Variants in LRRC49 observed in about 807,000 individuals in gnomAD.
LRRC49 encodes leucine rich repeat containing 49.
LRRC49 carries 50 observed loss-of-function variants against 83.3 expected under a neutral mutation model. That is an observed-to-expected ratio of 0.60 (90% confidence interval 0.48 to 0.76). LRRC49 has a LOEUF of 0.76. Among genes scored for constraint, LRRC49 ranks in the 30% least tolerant of loss-of-function variants. The pLI, the probability that LRRC49 is intolerant of heterozygous loss-of-function variation, is 0.00. For missense variants in LRRC49, 704 were observed against 809.1 expected (o/e 0.87, Z 1.58); for synonymous variants, 286 against 283.3 (o/e 1.01, Z -0.10).
At chr15:71,026,936 C>G (rs1468495042) in intron 14 of LRRC49, among the ~76,000 whole-genome samples, 1 of 152,080 alleles carries the variant, frequency 6.6e-6, no homozygotes, top group Non-Finnish European at 1.5e-5. Flanking sequence ...TGCAGAAGCT[C>G]TATAGTTTGA....
At chr15:71,034,776 A>G (rs1437371675) in intron 14 of LRRC49, among the ~76,000 whole-genome samples, 2 of 152,212 alleles carry the variant, frequency 1.3e-5, no homozygotes, top group Non-Finnish European at 2.9e-5. Context: ...CATTAGCCTC[A>G]GCGGACTAAC....
chr15:70,873,265 T>C (rs1362910743), intron 2 of LRRC49: 1 of 1,524,604 alleles, frequency 6.6e-7, no homozygotes, highest in East Asian at 2.4e-5. Context: ...GTATAACAAT[T>C]ATACTCTGCT....
chr15:70,994,331 T>C (rs1294519862), intron 11 of LRRC49, among the ~76,000 whole-genome samples: 1 of 152,230 alleles, frequency 6.6e-6, no homozygotes, highest in East Asian at 1.9e-4. Flanking sequence ...TTCACTTATC[T>C]GTTTTAATGC....
chr15:70,976,800 T>C lies in LRRC49; in HGVS notation c.922-3301T>C, dbSNP rs547181349. Among the ~76,000 whole-genome samples the C allele has an allele frequency of 3.3e-5, 5 of 152,330 alleles. No individual in the cohort carries two copies. The East Asian group carries it at 9.6e-4, about 29-fold the overall frequency. ...AAGAAGATACCAGAATTTTAGTTTT[T>C]CTTTCTTACCAACAGATTTATAACT... On this transcript the variant is annotated intron_variant, in intron 9 of 15. Transcript: ENST00000260382.
chr15:70,895,904 A>T lies in LRRC49; in HGVS notation c.161A>T (p.His54Leu). The change falls in exon 3 of 16, where the codon CAT becomes CTT. Residue 54 changes from histidine to leucine, a missense_variant. This residue lies in a region of LRRC49 where 261 missense variants were observed against 330.5 expected (regional missense o/e 0.79). Transcript: ENST00000260382. The stretch of plus-strand genomic sequence containing the variant: ...TCATTCCCCGGTAGACTTTTACAAC[A>T]TGACCTTGAAAGAAACTACTCAAGT... ...TSSFPGRLLQ[H>L]DLERNYSSRQ... 6.2e-7 allele frequency: 1 copy of T among 1,611,142 alleles called. No individual in the cohort carries two copies. Among genetic ancestry groups the T allele is most frequent in the Non-Finnish European group, 8.5e-7 (1 of 1,178,374 alleles).
chr15:71,020,633 C>T (rs545682961), intron 14 of LRRC49, among the ~76,000 whole-genome samples: 13 of 152,104 alleles, frequency 8.5e-5, no homozygotes, highest in African/African-American at 2.4e-4. Context: ...ATAACAGCAG[C>T]GGTGGAAGCC....
At chr15:70,891,849 A>T (rs377653311), upstream of LRRC49, 2 of 1,589,220 alleles carry the variant, frequency 1.3e-6, no homozygotes, top group African/African-American at 2.7e-5. Context: ...TTTACCTGTG[A>T]AGCTGCAGCC....
In LRRC49 at chr15:70,911,588, A is replaced by G. The variant is rs1275154148; in HGVS notation, c.557A>G (p.His186Arg). The G allele has an allele frequency of 2.5e-6, 4 of 1,572,506 alleles. No individual in the cohort carries two copies. In the African/African-American group the frequency reaches 4.1e-5, roughly 16 times the overall value. Residue 186 changes from histidine (H) to arginine (R), a missense_variant, in exon 6 of 16, where the codon CAT becomes CGT. His to Arg is a conservative substitution (Grantham distance 29). This residue lies in a region of LRRC49 where 261 missense variants were observed against 330.5 expected (regional missense o/e 0.79). Coordinates refer to ENST00000260382, the MANE Select transcript of LRRC49 (RefSeq NM_017691.5). ...AAAAGCTTAGATGTCTTGGATCTTC[A>G]TGGAAATCAGGTATTGTAAAGCCCT... ...NLKSLDVLDL[H>R]GNQITKIENI...
chr15:70,875,085 T>C (rs576880999), intron 2 of LRRC49, among the ~76,000 whole-genome samples: 1 of 152,366 alleles, frequency 6.6e-6, no homozygotes, highest in African/African-American at 2.4e-5. Context: ...ATTTGCAGGC[T>C]GGGATTATAC....
chr15:70,951,318 A>G (rs942065020), intron 8 of LRRC49, among the ~76,000 whole-genome samples: 3 of 152,086 alleles, frequency 2.0e-5, no homozygotes, highest in Admixed American at 1.3e-4. Flanking sequence ...GTAGTATGAT[A>G]GGAATGGCAC....
At chr15:70,882,874 G>T in intron 2 of LRRC49, 5 of 1,613,992 alleles carry the variant, frequency 3.1e-6, no homozygotes, top group Non-Finnish European at 4.2e-6. Flanking sequence ...ATCAGCATGG[G>T]GTTGGGTTTG....
intron 14 of LRRC49, among the ~76,000 whole-genome samples, chr15:71,017,056 G>C (rs991921167): frequency 2.5e-5 from 3 of 117,796 alleles, no homozygotes; most frequent in African/African-American, 9.8e-5. Context: ...GCTGCAGTGA[G>C]CCATGATCTA....
At chr15:70,943,081 G>A (rs986506504) in intron 8 of LRRC49, among the ~76,000 whole-genome samples, 1 of 151,858 alleles carries the variant, frequency 6.6e-6, no homozygotes, top group Non-Finnish European at 1.5e-5. Context: ...TCTGGGCATT[G>A]TGGATGTTCT....
At chr15:70,866,867 C>T (rs184171346) in intron 1 of LRRC49, among the ~76,000 whole-genome samples, 2 of 151,962 alleles carry the variant, frequency 1.3e-5, no homozygotes, top group Admixed American at 6.5e-5. Flanking sequence ...AAATGATTGG[C>T]CAAGTAGAGA....
intron 1 of LRRC49, among the ~76,000 whole-genome samples, chr15:70,862,174 A>G (rs943217694): frequency 1.3e-5 from 2 of 152,218 alleles, no homozygotes; most frequent in African/African-American, 4.8e-5. Context: ...CCCCAGGAAG[A>G]CACACAGCAG....
chr15:71,032,289 CACCCTCTGTGGGTTGG>C, intron 14 of LRRC49, among the ~76,000 whole-genome samples: 1 of 152,204 alleles, frequency 6.6e-6, no homozygotes, highest in East Asian at 1.9e-4. Flanking sequence ...TGCTTCTGCT[CACCCTCTGTGGGTTGG>C]ACCCATTGCC....
chr15:70,994,491 T>C (rs1031244565), intron 11 of LRRC49, among the ~76,000 whole-genome samples: 2 of 152,180 alleles, frequency 1.3e-5, no homozygotes, highest in Non-Finnish European at 2.9e-5. Flanking sequence ...TATTTATTTA[T>C]TGAGACAGGG....
chr15:70,906,179 C>A (rs1003350884), intron 5 of LRRC49, among the ~76,000 whole-genome samples: 1 of 151,360 alleles, frequency 6.6e-6, no homozygotes, highest in African/African-American at 2.4e-5. Flanking sequence ...TCACTGCAAC[C>A]TCTGCCTCCC....
At chr15:70,965,225 G>A (rs2036753817) in intron 9 of LRRC49, among the ~76,000 whole-genome samples, 1 of 152,026 alleles carries the variant, frequency 6.6e-6, no homozygotes, top group South Asian at 2.1e-4. Flanking sequence ...ATATAAATTA[G>A]TACTTAATTA....
Sources: allele counts gnomAD v4.1 joint callset (sites outside exome capture counted in the v4.1 genomes callset), GRCh38; gene constraint gnomAD v4.1.1; regional missense constraint gnomAD v4.1.1; transcripts MANE v1.5; gene names NCBI Gene and HGNC (gene_info 2026-07-23, HGNC 2026-07-21).